The following ROBO2 variants were observed in gnomAD, a reference collection of about 807,000 sequenced individuals.
ROBO2 encodes the protein roundabout guidance receptor 2, also known as roundabout homolog 2.
ROBO2 carries 53 observed loss-of-function variants against 160.8 expected under a neutral mutation model. The observed-to-expected ratio is 0.33, with a 90% confidence interval of 0.26 to 0.41. The LOEUF is 0.41. ROBO2 is among the 10% of genes least tolerant of loss of function. The probability of loss-of-function intolerance (pLI) is 1.00; values close to 1 mark genes in which losing one functional copy is unlikely to be tolerated. For synonymous variants in ROBO2, 664 were observed against 611.7 expected (o/e 1.09, Z -1.26); for missense variants, 1,577 against 1,722.4 (o/e 0.92, Z 1.49).
chr3:76,714,892 C>A (rs902059040), intron 2 of ROBO2, among the ~76,000 whole-genome samples: 1 of 152,102 alleles, frequency 6.6e-6, no homozygotes, highest in African/African-American at 2.4e-5. Flanking sequence ...TTAGTGCCCA[C>A]CAAGTGTGTA....
intron 8 of ROBO2, among the ~76,000 whole-genome samples, chr3:77,551,755 C>T (rs1052651050): frequency 2.0e-5 from 3 of 151,982 alleles, no homozygotes; most frequent in Non-Finnish European, 4.4e-5. Flanking sequence ...CTAATGCTGG[C>T]TTCTGAGATA....
At chr3:76,019,118 T>C (rs1300073657) in intron 2 of ROBO2, among the ~76,000 whole-genome samples, 1 of 151,748 alleles carries the variant, frequency 6.6e-6, no homozygotes, top group South Asian at 2.1e-4. Context: ...TATCTGCGAA[T>C]ACTGTGTATT....
intron 2 of ROBO2, among the ~76,000 whole-genome samples, chr3:76,522,423 C>A (rs538427906): frequency 7.0e-4 from 107 of 152,176 alleles, no homozygotes; most frequent in South Asian, 6.7e-3. Context: ...TAAAATACAG[C>A]TGACCAAAAA....
At chr3:76,334,397 T>C (rs2073723438) in intron 2 of ROBO2, among the ~76,000 whole-genome samples, 2 of 152,006 alleles carry the variant, frequency 1.3e-5, no homozygotes, top group East Asian at 1.9e-4. Flanking sequence ...TGAATATGAG[T>C]GTACTTAGAG....
chr3:76,902,951 A>T (rs2075335428), intron 2 of ROBO2, among the ~76,000 whole-genome samples: 1 of 152,016 alleles, frequency 6.6e-6, no homozygotes, highest in Admixed American at 6.5e-5. Flanking sequence ...GTGTATCATT[A>T]CTTGGATAAC....
At chr3:76,079,910 A>C (rs2108018869) in intron 2 of ROBO2, among the ~76,000 whole-genome samples, 1 of 152,298 alleles carries the variant, frequency 6.6e-6, no homozygotes, top group Admixed American at 6.5e-5. Context: ...AAAATCTTGT[A>C]ATCTGGAAAA....
chr3:77,039,973 C>G (rs1000751879), exon 1 of ROBO2: 8 of 438,364 alleles, frequency 1.8e-5, no homozygotes, highest in Admixed American at 6.4e-5. Context: ...CGTCTCTGCT[C>G]GCGCCCGCAG....
chr3:77,316,263 T>C (rs188230367), intron 2 of ROBO2, among the ~76,000 whole-genome samples: 11 of 152,162 alleles, frequency 7.2e-5, no homozygotes, highest in Admixed American at 4.6e-4. Context: ...CTGCAGACCA[T>C]TTGGTGTAAA....
chr3:77,584,636 C>A (rs1041348764), intron 16 of ROBO2, among the ~76,000 whole-genome samples: 1 of 151,942 alleles, frequency 6.6e-6, no homozygotes, highest in Non-Finnish European at 1.5e-5. Flanking sequence ...ATATTAAAAG[C>A]ATTGTAGAGA....
At chr3:76,502,138 T>G (rs1053195655) in intron 2 of ROBO2, among the ~76,000 whole-genome samples, 2 of 152,160 alleles carry the variant, frequency 1.3e-5, no homozygotes, top group East Asian at 3.8e-4. Flanking sequence ...ATATAATACA[T>G]CAGGCTTTGT....
At chr3:76,702,072 T>C (rs910633718) in intron 2 of ROBO2, among the ~76,000 whole-genome samples, 5 of 152,032 alleles carry the variant, frequency 3.3e-5, no homozygotes, top group Non-Finnish European at 7.4e-5. Flanking sequence ...ATGAATATTC[T>C]TTCCAGAGTA....
intron 2 of ROBO2, among the ~76,000 whole-genome samples, chr3:76,325,348 G>A (rs938858761): frequency 4.6e-5 from 7 of 152,168 alleles, no homozygotes; most frequent in South Asian, 4.2e-4. Context: ...GTTTACTATA[G>A]GATGCATTTC....
intron 20 of ROBO2, among the ~76,000 whole-genome samples, chr3:77,605,611 A>T (rs559341342): frequency 2.6e-4 from 39 of 152,298 alleles, no homozygotes; most frequent in Admixed American, 9.8e-4. Flanking sequence ...AAGAGTAGGT[A>T]ATGAATGGCT....
At chr3:75,933,982 G>A (rs532309514) in intron 1 of ROBO2, among the ~76,000 whole-genome samples, 7 of 152,296 alleles carry the variant, frequency 4.6e-5, no homozygotes, top group Admixed American at 2.0e-4. Context: ...GAGATAGGTT[G>A]TGGAGCCTCC....
chr3:77,254,572 T>A lies in ROBO2; in HGVS notation c.388+156232T>A, dbSNP rs567290441. Reference sequence around the variant, plus strand: ...TTACATGATGTTGAAGTTGAATACCTTTCGGAACTATTAGAGAGGTGGAGA... The same window carrying A: ...TTACATGATGTTGAAGTTGAATACCATTCGGAACTATTAGAGAGGTGGAGA... On this transcript the variant is annotated intron_variant, in intron 2 of 25. Coordinates refer to ENST00000461745, the Ensembl canonical transcript of ROBO2. Among the ~76,000 whole-genome samples, 7 of 152,300 alleles carry A rather than the reference T, an allele frequency of 4.6e-5. No homozygotes were observed. In the South Asian group the frequency reaches 1.5e-3, roughly 32 times the overall value.
intron 2 of ROBO2, among the ~76,000 whole-genome samples, chr3:76,893,445 C>G (rs916355935): frequency 2.0e-5 from 3 of 151,964 alleles, no homozygotes; most frequent in Non-Finnish European, 2.9e-5. Flanking sequence ...AAAAAAATGA[C>G]TCCTTCAAAA....
At chr3:77,359,015 T>G (rs1300756114) in intron 2 of ROBO2, among the ~76,000 whole-genome samples, 1 of 152,256 alleles carries the variant, frequency 6.6e-6, no homozygotes, top group Non-Finnish European at 1.5e-5. Flanking sequence ...ACTGAAAGCC[T>G]TAACAGAAAC....
At chr3:76,927,949 T>C (rs889008305) in intron 2 of ROBO2, among the ~76,000 whole-genome samples, 2 of 152,146 alleles carry the variant, frequency 1.3e-5, no homozygotes, top group African/African-American at 4.8e-5. Context: ...GAAAAAATAA[T>C]ATTTTATCCA....
upstream of ROBO2, among the ~76,000 whole-genome samples, chr3:77,035,856 A>G (rs2063602217): frequency 6.6e-6 from 1 of 151,946 alleles, no homozygotes; most frequent in Admixed American, 6.6e-5. Flanking sequence ...TTTTGTAGAT[A>G]ATAACACATA....
Sources: allele counts gnomAD v4.1 joint callset (sites outside exome capture counted in the v4.1 genomes callset), GRCh38; gene constraint gnomAD v4.1.1; transcripts MANE v1.5; gene names NCBI Gene and HGNC (gene_info 2026-07-23, HGNC 2026-07-21).